The following ADAMTSL3 variants were observed in gnomAD, a reference collection of about 807,000 sequenced individuals.
The protein encoded by ADAMTSL3 is ADAMTS like 3, also known as ADAMTS-like protein 3.
Under a neutral mutation model 201.7 loss-of-function variants are expected in ADAMTSL3, and 128 were observed. The observed-to-expected ratio is 0.63, with a 90% CI of 0.55 to 0.73. The LOEUF (loss-of-function observed/expected upper bound fraction) is 0.73. Among genes scored for constraint, ADAMTSL3 ranks in the 30% least tolerant of loss-of-function variants. The pLI is 0.00. For missense variants in ADAMTSL3, 1,990 were observed against 2,119.6 expected (o/e 0.94, Z 1.20); for synonymous variants, 738 against 748.4 (o/e 0.99, Z 0.23).
At chr15:83,961,186 A>G (rs1224070639) in intron 19 of ADAMTSL3, among the ~76,000 whole-genome samples, 1 of 152,220 alleles carries the variant, frequency 6.6e-6, no homozygotes, top group Non-Finnish European at 1.5e-5. Flanking sequence ...CTTACATTAC[A>G]AGCAACAACT....
At chr15:83,675,581 G>A (rs1379582083) in intron 2 of ADAMTSL3, among the ~76,000 whole-genome samples, 2 of 139,620 alleles carry the variant, frequency 1.4e-5, no homozygotes, top group Non-Finnish European at 3.1e-5. Context: ...TTCACGTGCT[G>A]TTTTCTTTTT....
At chr15:83,994,625 C>G (rs2067650444) in intron 23 of ADAMTSL3, among the ~76,000 whole-genome samples, 1 of 112,874 alleles carries the variant, frequency 8.9e-6, no homozygotes, top group Non-Finnish European at 1.7e-5. Context: ...GACACAGAAC[C>G]TCACTCTGTT....
Position 83,655,731 on chromosome 15 carries a change from T to C in ADAMTSL3, c.-31T>C, listed in dbSNP as rs1440801841. 3.1e-6 allele frequency: 5 copies of C among 1,611,644 alleles called. No homozygotes were observed. Among genetic ancestry groups the C allele is most frequent in the Non-Finnish European group, 4.2e-6 (5 of 1,178,108 alleles). On this transcript the variant is annotated splice_region_variant and 5_prime_UTR_variant, in exon 2 of 30. Coordinates refer to ENST00000286744, the MANE Select transcript of ADAMTSL3 (RefSeq NM_207517.3). ...ATGAACTCTTTCCTCGTTTGTAGGCTACAACTGAGACCCGGAGGAGACTAG... is the reference window on the plus strand; with the variant it reads ...ATGAACTCTTTCCTCGTTTGTAGGCCACAACTGAGACCCGGAGGAGACTAG...
At position 83,726,399 on chromosome 15, in the gene ADAMTSL3, T is replaced by C. The variant is rs946646766; in HGVS notation, c.189+21891T>C. ...GATGCCGTTTATTTATTTCTCTGTC[T>C]GATTGCTCTAGCTAGTAATTCCAGT... On this transcript the variant is annotated intron_variant, in intron 3 of 29. Coordinates refer to ENST00000286744, the MANE Select transcript of ADAMTSL3 (RefSeq NM_207517.3). Among the ~76,000 whole-genome samples the C allele has an allele frequency of 2.7e-4, 41 of 152,274 alleles. 3 individuals carry two copies. The highest frequency in any genetic ancestry group is 1.8e-3 in the Admixed American group (27 of 15,288).
intron 2 of ADAMTSL3, among the ~76,000 whole-genome samples, chr15:83,686,911 GTGGGT>G (rs1292149844): frequency 1.3e-5 from 2 of 152,128 alleles, no homozygotes; most frequent in East Asian, 3.9e-4. Context: ...GCTAAAAGGG[GTGGGT>G]TCAGTGGCTC....
At chr15:83,778,333 C>T (rs1164175037) in intron 4 of ADAMTSL3, among the ~76,000 whole-genome samples, 1 of 152,110 alleles carries the variant, frequency 6.6e-6, no homozygotes, top group East Asian at 1.9e-4. Context: ...CCATTAGATC[C>T]TCCAAGGCTG....
At position 83,951,563 on chromosome 15, in the gene ADAMTSL3, CT is replaced by C. The variant is rs543303502; in HGVS notation, c.2490+8484del. Among the ~76,000 whole-genome samples, 208 of 152,242 alleles carry C rather than the reference CT, an allele frequency of 1.4e-3. 1 individual carries two copies. Among genetic ancestry groups the C allele is most frequent in the Middle Eastern group, 3.4e-3 (1 of 294 alleles). On this transcript the variant is annotated intron_variant, in intron 19 of 29. Coordinates refer to ENST00000286744, the MANE Select transcript of ADAMTSL3 (RefSeq NM_207517.3). ...TTGGAAGTATTCTATCCTCCACTAT[CT>C]TTCAGAACAGTTCGAGTAAGATTGG...
chr15:84,013,227 G>T (rs1156408968), intron 23 of ADAMTSL3, among the ~76,000 whole-genome samples: 2 of 152,176 alleles, frequency 1.3e-5, no homozygotes, highest in Non-Finnish European at 2.9e-5. Flanking sequence ...GGCTTACCAG[G>T]TTCCTCAATT....
intron 23 of ADAMTSL3, among the ~76,000 whole-genome samples, chr15:84,005,321 T>A (rs1378150602): frequency 6.6e-6 from 1 of 152,250 alleles, no homozygotes; most frequent in African/African-American, 2.4e-5. Context: ...CTTGATAGAT[T>A]ACCAGAATTG....
At chr15:83,883,969 T>C (rs1158780855) in intron 9 of ADAMTSL3, among the ~76,000 whole-genome samples, 1 of 152,010 alleles carries the variant, frequency 6.6e-6, no homozygotes, top group Non-Finnish European at 1.5e-5. Context: ...CTCAGCTCAC[T>C]GCAACCTCCG....
intron 6 of ADAMTSL3, among the ~76,000 whole-genome samples, chr15:83,837,343 G>T (rs976099994): frequency 6.6e-6 from 1 of 151,636 alleles, no homozygotes; most frequent in Non-Finnish European, 1.5e-5. Context: ...AAAAAAAAAA[G>T]ATATTTAAAG....
chr15:83,850,715 C>T (rs2064595114), intron 7 of ADAMTSL3, among the ~76,000 whole-genome samples: 1 of 152,156 alleles, frequency 6.6e-6, no homozygotes, highest in South Asian at 2.1e-4. Context: ...CATTAACAGT[C>T]TCTTTACTGC....
At chr15:83,892,006 G>C (rs1159816379) in intron 12 of ADAMTSL3, among the ~76,000 whole-genome samples, 2 of 151,818 alleles carry the variant, frequency 1.3e-5, no homozygotes, top group Non-Finnish European at 2.9e-5. Flanking sequence ...CTTGAGGTCA[G>C]GAGTTCAAGA....
chr15:83,724,308 C>T (rs2062141829), intron 3 of ADAMTSL3, among the ~76,000 whole-genome samples: 1 of 151,914 alleles, frequency 6.6e-6, no homozygotes, highest in Non-Finnish European at 1.5e-5. Context: ...CCATGTTGCC[C>T]AGGATGGTCT....
At chr15:83,700,188 G>A (rs1053127075) in intron 2 of ADAMTSL3, among the ~76,000 whole-genome samples, 3 of 152,186 alleles carry the variant, frequency 2.0e-5, no homozygotes, top group South Asian at 2.1e-4. Flanking sequence ...TTAAGGTGGC[G>A]ATCTTTGACT....
chr15:84,000,458 T>C (rs1165429642), intron 23 of ADAMTSL3, among the ~76,000 whole-genome samples: 1 of 152,218 alleles, frequency 6.6e-6, no homozygotes, highest in Admixed American at 6.5e-5. Context: ...CAGCCAATCA[T>C]AGATGGTTGG....
chr15:84,036,690 TA>T, intron 28 of ADAMTSL3, 82 bp from the exon 29 acceptor site: 3 of 1,059,718 alleles, frequency 2.8e-6, no homozygotes, highest in Non-Finnish European at 2.7e-6. Context: ...TAGAGTAAGG[TA>T]AAAAGGCTTG....
intron 2 of ADAMTSL3, among the ~76,000 whole-genome samples, chr15:83,664,036 C>T (rs892785994): frequency 6.6e-6 from 1 of 152,200 alleles, no homozygotes; most frequent in Non-Finnish European, 1.5e-5. Context: ...CCCAGGCAGC[C>T]TCCATCTCTC....
At chr15:83,763,690 A>G (rs532588675) in intron 3 of ADAMTSL3, among the ~76,000 whole-genome samples, 62 of 152,166 alleles carry the variant, frequency 4.1e-4, no homozygotes, top group African/African-American at 1.4e-3. Flanking sequence ...TATATTTAGT[A>G]GAGACGAGGT....
Sources: allele counts gnomAD v4.1 joint callset (sites outside exome capture counted in the v4.1 genomes callset), GRCh38; gene constraint gnomAD v4.1.1; transcripts MANE v1.5; gene names NCBI Gene and HGNC (gene_info 2026-07-23, HGNC 2026-07-21).